The following PCDHA12 variants were observed in gnomAD, a reference collection of about 807,000 sequenced individuals.
PCDHA12 encodes protocadherin alpha-12.
Under a neutral mutation model 60.0 loss-of-function variants are expected in PCDHA12, and 44 were observed. That is an observed-to-expected ratio of 0.73 (90% CI 0.58 to 0.94). PCDHA12 has a LOEUF of 0.94. Among genes scored for constraint, PCDHA12 ranks in the 40% least tolerant of loss-of-function variants. The probability of loss-of-function intolerance (pLI) is 0.00; values close to 1 mark genes in which losing one functional copy is unlikely to be tolerated. For synonymous variants in PCDHA12, 569 were observed against 553.0 expected (o/e 1.03, Z -0.40); for missense variants, 1,276 against 1,239.7 (o/e 1.03, Z -0.44).
At chr5:140,978,672 G>C (rs2096816199) in intron 1 of PCDHA12, among the ~76,000 whole-genome samples, 1 of 152,256 alleles carries the variant, frequency 6.6e-6, no homozygotes, top group African/African-American at 2.4e-5. Context: ...TAAGAACACA[G>C]ACATGTATTG....
At chr5:140,916,613 A>T (rs2077649645) in intron 1 of PCDHA12, among the ~76,000 whole-genome samples, 1 of 151,990 alleles carries the variant, frequency 6.6e-6, no homozygotes, top group Non-Finnish European at 1.5e-5. Flanking sequence ...GGGCCTCATG[A>T]CTCTACTCAA....
At chr5:140,925,052 A>G (rs1221049582) in intron 1 of PCDHA12, among the ~76,000 whole-genome samples, 1 of 151,720 alleles carries the variant, frequency 6.6e-6, no homozygotes, top group African/African-American at 2.4e-5. Context: ...TTGAGACCAG[A>G]CTGGGCAACA....
At chr5:140,895,099 T>C (rs558310890) in intron 1 of PCDHA12, among the ~76,000 whole-genome samples, 1 of 152,326 alleles carries the variant, frequency 6.6e-6, no homozygotes, top group East Asian at 1.9e-4. Flanking sequence ...ATAGGGGTTT[T>C]TGCTACAAGA....
intron 1 of PCDHA12, among the ~76,000 whole-genome samples, chr5:140,972,087 A>G (rs1372467840): frequency 3.3e-5 from 5 of 152,192 alleles, no homozygotes; most frequent in Non-Finnish European, 7.3e-5. Context: ...AAAAAGAGTA[A>G]TTTCTGGCAT....
chr5:140,876,809 C>T lies in PCDHA12; in HGVS notation c.1337C>T (p.Ala446Val), dbSNP rs1554168959. ...WATARVSVEV[A>V]DVNDNAPAFA... ...ACGGCTAGAGTGTCCGTGGAGGTGGCCGACGTGAACGACAATGCGCCTGCG... is the reference window on the plus strand; with the variant it reads ...ACGGCTAGAGTGTCCGTGGAGGTGGTCGACGTGAACGACAATGCGCCTGCG... The change falls in exon 1 of 4, where the codon GCC (alanine) becomes GTC (valine). Residue 446 changes from alanine to valine, a missense_variant. Transcript: ENST00000398631. 6.2e-7 allele frequency: 1 copy of T among 1,614,200 alleles called. No individual in the cohort carries two copies. The highest frequency in any genetic ancestry group is 1.7e-5 in the Admixed American group (1 of 60,028).
At chr5:140,927,193 C>G in intron 1 of PCDHA12, 1 of 1,614,186 alleles carries the variant, frequency 6.2e-7, no homozygotes, top group South Asian at 1.1e-5. Context: ...CGACCTGGTG[C>G]TCGAGGACCC....
intron 1 of PCDHA12, chr5:140,968,445 G>C (rs782157846): frequency 1.2e-6 from 2 of 1,613,954 alleles, no homozygotes; most frequent in African/African-American, 2.7e-5. Context: ...CCACCACTGA[G>C]CAGCACTGTG....
At chr5:140,956,906 A>G (rs2095319439) in intron 1 of PCDHA12, among the ~76,000 whole-genome samples, 1 of 152,218 alleles carries the variant, frequency 6.6e-6, no homozygotes, top group Non-Finnish European at 1.5e-5. Flanking sequence ...TCTTAAATGT[A>G]TAAACTTTAA....
At chr5:140,969,228 G>A in intron 1 of PCDHA12, 1 of 1,614,176 alleles carries the variant, frequency 6.2e-7, no homozygotes, top group Non-Finnish European at 8.5e-7. Flanking sequence ...GGGCCTTCGG[G>A]AGCCCAAGCA....
chr5:140,996,283 C>T (rs2097719869), intron 3 of PCDHA12, among the ~76,000 whole-genome samples: 1 of 152,172 alleles, frequency 6.6e-6, no homozygotes, highest in African/African-American at 2.4e-5. Context: ...TGCCAAATTT[C>T]AAGAAGCACA....
intron 1 of PCDHA12, among the ~76,000 whole-genome samples, chr5:140,920,357 A>G (rs782419559): frequency 5.3e-5 from 8 of 151,994 alleles, no homozygotes; most frequent in Non-Finnish European, 8.8e-5. Context: ...TGCTAGTTCT[A>G]TTCATTTATT....
At chr5:140,883,907 A>G (rs2059882679) in intron 1 of PCDHA12, 1 of 1,613,358 alleles carries the variant, frequency 6.2e-7, no homozygotes, top group African/African-American at 1.3e-5. Context: ...GCCTCTGGGC[A>G]GCAACGTGAC....
chr5:140,928,664 G>A (rs186350151), intron 1 of PCDHA12: 2 of 1,614,214 alleles, frequency 1.2e-6, no homozygotes, highest in Non-Finnish European at 1.7e-6. Context: ...GCTGACAGTG[G>A]TTCTAATGCC....
At chr5:140,967,627 C>G (rs1218869340) in intron 1 of PCDHA12, 16 of 1,614,040 alleles carry the variant, frequency 9.9e-6, no homozygotes, top group Non-Finnish European at 1.3e-5. Context: ...CGGATGAGGG[C>G]TCCAATGGTG....
intron 2 of PCDHA12, among the ~76,000 whole-genome samples, chr5:140,980,943 T>C (rs573281233): frequency 1.6e-4 from 25 of 152,172 alleles, no homozygotes; most frequent in Non-Finnish European, 3.1e-4. Context: ...CTGAGCTGGC[T>C]CCAGGATAGT....
intron 1 of PCDHA12, among the ~76,000 whole-genome samples, chr5:140,901,744 A>G (rs781984509): frequency 1.3e-5 from 2 of 152,144 alleles, no homozygotes; most frequent in Non-Finnish European, 2.9e-5. Context: ...AAGAATGTCC[A>G]TGGTATTTTG....
intron 1 of PCDHA12, among the ~76,000 whole-genome samples, chr5:140,887,198 G>T (rs1276345927): frequency 6.6e-6 from 1 of 151,492 alleles, no homozygotes; most frequent in Admixed American, 6.6e-5. Flanking sequence ...CCGGGTTCAC[G>T]CCATTCTCCT....
At position 140,946,014 on chromosome 5, in the gene PCDHA12, C is replaced by T. The variant is rs116323983; in HGVS notation, c.2368-32935C>T. On this transcript the variant is annotated intron_variant, in intron 1 of 3. Coordinates refer to ENST00000398631, the MANE Select transcript of PCDHA12 (RefSeq NM_018903.4). ...ATTGCATCAAACTAAAAAGCTCCTG[C>T]GCAGCAAAGAAAACAAGAGTGAAGG... Among the ~76,000 whole-genome samples, 849 of 151,986 alleles carry T rather than the reference C, an allele frequency of 5.6e-3. 7 individuals carry two copies. The highest frequency in any genetic ancestry group is 0.02 in the African/African-American group (814 of 41,504).
chr5:140,882,770 T>C (rs781904504), intron 1 of PCDHA12: 4 of 1,614,144 alleles, frequency 2.5e-6, no homozygotes, highest in Non-Finnish European at 3.4e-6. Flanking sequence ...AAACTCGGCA[T>C]TGACCTACCG....
Sources: gnomAD v4.1 joint callset for allele counts (sites outside exome capture counted in the v4.1 genomes callset) on GRCh38, gnomAD v4.1.1 for gene constraint, MANE v1.5 for transcripts, NCBI Gene and HGNC (gene_info 2026-07-23, HGNC 2026-07-21) for gene names.